The following GRID2 variants were observed in gnomAD, a reference collection of about 807,000 sequenced individuals.
GRID2 encodes the protein glutamate ionotropic receptor delta type subunit 2.
Under a neutral mutation model 114.8 loss-of-function variants are expected in GRID2, and 33 were observed. The ratio of observed to expected loss-of-function variants is 0.29; its 90% confidence interval spans 0.22 to 0.38. The LOEUF is 0.38. Among genes scored for constraint, GRID2 ranks in the 10% least tolerant of loss-of-function variants. The pLI, the probability that GRID2 is intolerant of heterozygous loss-of-function variation, is 1.00. For synonymous variants in GRID2, 505 were observed against 449.9 expected (o/e 1.12, Z -1.55); for missense variants, 1,184 against 1,257.7 (o/e 0.94, Z 0.89).
At chr4:93,279,497 T>C (rs1264393218) in intron 8 of GRID2, among the ~76,000 whole-genome samples, 2 of 151,838 alleles carry the variant, frequency 1.3e-5, no homozygotes, top group Non-Finnish European at 2.9e-5. Context: ...TTTTCAGCAT[T>C]ATTTTGGAAC....
chr4:92,782,217 A>G (rs183792540), intron 2 of GRID2, among the ~76,000 whole-genome samples: 1 of 152,164 alleles, frequency 6.6e-6, no homozygotes, highest in Admixed American at 6.6e-5. Flanking sequence ...TATCAGTAAA[A>G]TTTCTTCAGG....
At chr4:93,636,506 TC>T (rs1266690577) in intron 14 of GRID2, among the ~76,000 whole-genome samples, 2 of 152,090 alleles carry the variant, frequency 1.3e-5, no homozygotes, top group Non-Finnish European at 2.9e-5. Context: ...ACTCTTTTAT[TC>T]CCTTATAGTT....
chr4:93,567,338 G>A (rs959992718), intron 13 of GRID2, among the ~76,000 whole-genome samples: 6 of 152,022 alleles, frequency 3.9e-5, no homozygotes, highest in Non-Finnish European at 7.4e-5. Flanking sequence ...AATTTAAGTT[G>A]TAATTTGAGC....
intron 8 of GRID2, among the ~76,000 whole-genome samples, chr4:93,259,319 A>G (rs1316581062): frequency 6.6e-6 from 1 of 151,834 alleles, no homozygotes; most frequent in Non-Finnish European, 1.5e-5. Context: ...ACAGCTCCAT[A>G]TCAATCATAG....
intron 2 of GRID2, among the ~76,000 whole-genome samples, chr4:92,996,087 T>G (rs932747997): frequency 6.6e-6 from 1 of 151,842 alleles, no homozygotes; most frequent in African/African-American, 2.4e-5. Flanking sequence ...GTCAGGAGTT[T>G]GAAATCAGCC....
intron 2 of GRID2, among the ~76,000 whole-genome samples, chr4:92,797,298 G>A (rs74417763): frequency 0.023 from 3,518 of 152,044 alleles, 96 homozygotes; most frequent in East Asian, 0.12. Flanking sequence ...GAGATGAACT[G>A]TTCATGTAGA....
intron 8 of GRID2, among the ~76,000 whole-genome samples, chr4:93,334,547 G>A (rs1354520703): frequency 2.6e-5 from 4 of 152,176 alleles, no homozygotes; most frequent in Non-Finnish European, 5.9e-5. Flanking sequence ...TACAAGAAAA[G>A]GATCTGGTGG....
intron 14 of GRID2, among the ~76,000 whole-genome samples, chr4:93,742,289 C>T (rs1000683952): frequency 1.3e-5 from 2 of 152,170 alleles, no homozygotes; most frequent in African/African-American, 4.8e-5. Flanking sequence ...CAAGCTTTGT[C>T]CTCATGGATT....
intron 2 of GRID2, among the ~76,000 whole-genome samples, chr4:92,722,272 C>A (rs1402837710): frequency 6.6e-6 from 1 of 152,124 alleles, no homozygotes; most frequent in Non-Finnish European, 1.5e-5. Flanking sequence ...ATGCTACAAA[C>A]ACTTTAGAAG....
At chr4:92,345,729 T>C (rs546470176) in intron 1 of GRID2, among the ~76,000 whole-genome samples, 1 of 152,320 alleles carries the variant, frequency 6.6e-6, no homozygotes, top group African/African-American at 2.4e-5. Context: ...TCTGGATATC[T>C]TCTGCTTATT....
At chr4:92,528,747 G>A (rs1207776438) in intron 1 of GRID2, among the ~76,000 whole-genome samples, 4 of 146,644 alleles carry the variant, frequency 2.7e-5, no homozygotes, top group Admixed American at 1.4e-4. Flanking sequence ...GGAAGGGGTC[G>A]AACATACTTT....
intron 10 of GRID2, among the ~76,000 whole-genome samples, chr4:93,439,915 C>A (rs1039887571): frequency 2.0e-5 from 3 of 151,982 alleles, no homozygotes; most frequent in African/African-American, 7.2e-5. Context: ...CAGGGAGGCA[C>A]AATTCCCACC....
intron 1 of GRID2, among the ~76,000 whole-genome samples, chr4:92,519,509 T>C (rs968034): frequency 0.039 from 5,858 of 151,502 alleles, 391 homozygotes; most frequent in African/African-American, 0.13. Context: ...ATAGTCCTAA[T>C]ACCATGAATT....
At chr4:92,406,466 A>G (rs1437446187) in intron 1 of GRID2, among the ~76,000 whole-genome samples, 1 of 152,154 alleles carries the variant, frequency 6.6e-6, no homozygotes, top group African/African-American at 2.4e-5. Flanking sequence ...AGAACAGAAA[A>G]TGAGGACATT....
rs114129980 is a variant in GRID2, at chr4:93,321,292, T to A, written c.1246-74315T>A. 9.2e-4 allele frequency among the ~76,000 whole-genome samples: 140 copies of A among 152,120 alleles called. 1 individual carries two copies. The highest frequency in any genetic ancestry group is 2.7e-3 in the South Asian group (13 of 4,820). ...CTAGCTGGTAAACATACAGGATGCA[T>A]TTGCTTTTAAATGTATTTCCCTAAT... is the stretch of plus-strand genomic sequence containing the variant. On this transcript the variant is annotated intron_variant, in intron 8 of 15. Transcript: ENST00000282020.
At chr4:92,968,693 C>CT (rs1314671577) in intron 2 of GRID2, among the ~76,000 whole-genome samples, 1 of 151,640 alleles carries the variant, frequency 6.6e-6, no homozygotes. Context: ...AACAGTTTTT[C>CT]TTTTTTTACT....
rs575518149 is a variant in GRID2, at chr4:92,310,258, C to T, written c.88+5514C>T. Reference sequence around the variant, plus strand: ...TAAAAAGGCACTATCTTCCTTCTAGCATATTTCATTATAAGAATAATGGAG... The same window carrying T: ...TAAAAAGGCACTATCTTCCTTCTAGTATATTTCATTATAAGAATAATGGAG... On this transcript the variant is annotated intron_variant, in intron 1 of 15. Coordinates refer to ENST00000282020, the MANE Select transcript of GRID2 (RefSeq NM_001510.4). 2.6e-5 allele frequency among the ~76,000 whole-genome samples: 4 copies of T among 152,106 alleles called. No homozygotes were observed. The South Asian group carries it at 8.3e-4, about 32-fold the overall frequency.
chr4:93,347,120 T>A (rs77855655), intron 8 of GRID2, among the ~76,000 whole-genome samples: 6,903 of 152,014 alleles, frequency 0.045, 182 homozygotes, highest in South Asian at 0.067. Flanking sequence ...CAGCTTTCAC[T>A]CTCACTTTCT....
intron 1 of GRID2, among the ~76,000 whole-genome samples, chr4:92,318,245 T>A (rs1726102604): frequency 6.6e-6 from 1 of 150,468 alleles, no homozygotes; most frequent in Non-Finnish European, 1.5e-5. Context: ...GTGTTTTATT[T>A]ATTAAGTTGG....
Sources: allele counts gnomAD v4.1 joint callset (sites outside exome capture counted in the v4.1 genomes callset), GRCh38; gene constraint gnomAD v4.1.1; transcripts MANE v1.5; gene names NCBI Gene and HGNC (gene_info 2026-07-23, HGNC 2026-07-21).